ANKS1B: variants seen among roughly 807,000 people sequenced by gnomAD.
ANKS1B encodes the protein ankyrin repeat and sterile alpha motif domain containing 1B.
ANKS1B carries 36 observed loss-of-function variants against 148.3 expected under a neutral mutation model. The observed-to-expected ratio is 0.24, with a 90% CI of 0.19 to 0.32. The LOEUF is 0.32. ANKS1B is among the 10% of genes least tolerant of loss of function. The pLI, the probability that ANKS1B is intolerant of heterozygous loss-of-function variation, is 1.00. For missense variants in ANKS1B, 1,157 were observed against 1,542.6 expected, an observed-to-expected ratio of 0.75 and a Z score of 4.19; for synonymous variants, 542 against 560.8, an observed-to-expected ratio of 0.97 and a Z score of 0.47.
chr12:99,305,741 A>G (rs995742444), intron 12 of ANKS1B, among the ~76,000 whole-genome samples: 6 of 152,146 alleles, frequency 3.9e-5, no homozygotes, highest in Non-Finnish European at 7.4e-5. Flanking sequence ...AGGAGCCTAG[A>G]ATCAAAGAAG....
At chr12:99,244,103 GA>G (rs1011632036) in intron 14 of ANKS1B, among the ~76,000 whole-genome samples, 1 of 141,104 alleles carries the variant, frequency 7.1e-6, no homozygotes, top group Non-Finnish European at 1.5e-5. Flanking sequence ...AAAAAAAAAA[GA>G]AAAACTTCAC....
At chr12:99,983,734 T>C (rs1373245440) in intron 1 of ANKS1B, among the ~76,000 whole-genome samples, 1 of 152,208 alleles carries the variant, frequency 6.6e-6, no homozygotes, top group Middle Eastern at 3.2e-3. Context: ...TCTGCCAATT[T>C]CATTTAACTA....
chr12:99,783,927 G>A (rs2064673008), intron 4 of ANKS1B, among the ~76,000 whole-genome samples: 1 of 151,964 alleles, frequency 6.6e-6, no homozygotes, highest in African/African-American at 2.4e-5. Flanking sequence ...TGATAGATAT[G>A]CTAATTACCC....
At chr12:98,955,386 G>T (rs1411100088) in intron 17 of ANKS1B, among the ~76,000 whole-genome samples, 1 of 152,094 alleles carries the variant, frequency 6.6e-6, no homozygotes, top group Non-Finnish European at 1.5e-5. Context: ...CGGTCTTTTG[G>T]GTTTGAAGTA....
In ANKS1B at chr12:99,046,703, G is replaced by A. The variant is rs1476011407; in HGVS notation, c.2778+6454C>T. 4.6e-5 allele frequency among the ~76,000 whole-genome samples: 7 copies of A among 151,966 alleles called. No homozygotes were observed. In the East Asian group the frequency reaches 1.2e-3, roughly 25 times the overall value. On this transcript the variant is annotated intron_variant, in intron 17 of 26. Transcript: ENST00000683438. ...AGTCCCAGCTACTTGGAAGGCTGAG[G>A]CAGAAGAATGGTGTGAACCCAGGAG...
intron 23 of ANKS1B, 123 bp from the exon 24 acceptor site, chr12:98,781,326 A>G: frequency 1.4e-6 from 1 of 689,824 alleles, no homozygotes; most frequent in Non-Finnish European, 2.7e-6. Context: ...ACACACACAC[A>G]CACACACACA....
intron 8 of ANKS1B, among the ~76,000 whole-genome samples, chr12:99,761,236 G>GAC (rs147419547): frequency 0.43 from 63,473 of 149,168 alleles, 13,720 homozygotes; most frequent in South Asian, 0.6. Context: ...ACCTGGCAAA[G>GAC]ACACACACAC....
At chr12:99,269,848 T>C (rs1042643557) in intron 12 of ANKS1B, among the ~76,000 whole-genome samples, 24 of 152,298 alleles carry the variant, frequency 1.6e-4, no homozygotes, top group East Asian at 1.9e-4. Context: ...CGTGAGCCAC[T>C]GCACCCGGCC....
chr12:99,700,821 C>T (rs1273990798), intron 8 of ANKS1B, among the ~76,000 whole-genome samples: 1 of 152,142 alleles, frequency 6.6e-6, no homozygotes, highest in Admixed American at 6.6e-5. Context: ...AATTTATGTT[C>T]TGCAATTCAA....
chr12:99,199,218 G>A (rs2081758785), intron 14 of ANKS1B, among the ~76,000 whole-genome samples: 1 of 152,132 alleles, frequency 6.6e-6, no homozygotes, highest in African/African-American at 2.4e-5. Flanking sequence ...CAGAAACTGT[G>A]AGAAATAAAT....
At chr12:99,589,950 T>TTGTACCCC (rs1224934713) in intron 9 of ANKS1B, among the ~76,000 whole-genome samples, 1 of 152,150 alleles carries the variant, frequency 6.6e-6, no homozygotes, top group African/African-American at 2.4e-5. Flanking sequence ...TATGTGCAAC[T>TTGTACCCC]ATTATGTATC....
intron 9 of ANKS1B, among the ~76,000 whole-genome samples, chr12:99,564,879 AATATC>A (rs1330365133): frequency 6.6e-6 from 1 of 152,192 alleles, no homozygotes; most frequent in Non-Finnish European, 1.5e-5. Context: ...GACCTGAATA[AATATC>A]ATATTATTAT....
chr12:99,224,108 T>G (rs926155688), intron 14 of ANKS1B, among the ~76,000 whole-genome samples: 1 of 152,208 alleles, frequency 6.6e-6, no homozygotes, highest in Non-Finnish European at 1.5e-5. Context: ...TAAATTTTTT[T>G]TTTTAGGAAC....
At chr12:99,462,906 C>G (rs1213220159) in intron 10 of ANKS1B, among the ~76,000 whole-genome samples, 1 of 152,148 alleles carries the variant, frequency 6.6e-6, no homozygotes, top group Non-Finnish European at 1.5e-5. Context: ...GCCTTCTCCC[C>G]CTTTACCTTC....
chr12:99,526,887 G>T (rs1413253729), intron 9 of ANKS1B, among the ~76,000 whole-genome samples: 1 of 152,176 alleles, frequency 6.6e-6, no homozygotes. Context: ...GTTAAATGGA[G>T]ATGAGGTTAT....
Position 99,012,736 on chromosome 12 carries a change from A to G in ANKS1B, c.2778+40421T>C, listed in dbSNP as rs139870644. Among the ~76,000 whole-genome samples, 370 of 152,234 alleles carry G rather than the reference A, an allele frequency of 2.4e-3. 2 individuals are homozygous for G. The highest frequency in any genetic ancestry group is 0.01 in the Middle Eastern group (3 of 294). On this transcript the variant is annotated intron_variant, in intron 17 of 26. Transcript: ENST00000683438. ...ATTTTTTGAACCACTGACTTTGCTT[A>G]TATTAGTTTTACTATGATATTCATC...
chr12:99,372,879 T>C (rs894587529), intron 12 of ANKS1B, among the ~76,000 whole-genome samples: 1 of 152,248 alleles, frequency 6.6e-6, no homozygotes, highest in East Asian at 1.9e-4. Context: ...CACTCCCTCA[T>C]AATGTATGCC....
At chr12:99,187,712 A>G (rs1776382745) in intron 14 of ANKS1B, among the ~76,000 whole-genome samples, 1 of 152,198 alleles carries the variant, frequency 6.6e-6, no homozygotes. Flanking sequence ...ATGGAAAGGA[A>G]CAACCGGTCC....
intron 9 of ANKS1B, among the ~76,000 whole-genome samples, chr12:99,594,436 G>C (rs763724613): frequency 3.9e-4 from 60 of 152,094 alleles, no homozygotes; most frequent in Admixed American, 7.9e-4. Flanking sequence ...TTCATTAACA[G>C]CCAAGATGTA....
Sources: allele counts gnomAD v4.1 joint callset (sites outside exome capture counted in the v4.1 genomes callset), GRCh38; gene constraint gnomAD v4.1.1; transcripts MANE v1.5; gene names NCBI Gene and HGNC (gene_info 2026-07-23, HGNC 2026-07-21).